The following MACROD2 variants were observed in gnomAD, a reference collection of about 807,000 sequenced individuals.
MACROD2 encodes mono-ADP ribosylhydrolase 2.
A neutral mutation model predicts 70.4 loss-of-function variants in MACROD2; 36 were observed. The observed-to-expected ratio is 0.51, with a 90% CI of 0.39 to 0.68. The LOEUF (loss-of-function observed/expected upper bound fraction) is 0.68, where lower values mean the gene tolerates loss of function less well. Ranked by LOEUF, MACROD2 falls within the 30% of genes least tolerant of loss-of-function variation. The pLI is 0.00. For missense variants in MACROD2, 496 were observed against 538.4 expected, an observed-to-expected ratio of 0.92 and a Z score of 0.78; for synonymous variants, 172 against 178.8, an observed-to-expected ratio of 0.96 and a Z score of 0.30.
At chr20:14,529,998 A>C (rs1177974150) in intron 4 of MACROD2, among the ~76,000 whole-genome samples, 1 of 152,204 alleles carries the variant, frequency 6.6e-6, no homozygotes, top group African/African-American at 2.4e-5. Flanking sequence ...GCGGAGGGGA[A>C]GTGATACAAG....
intron 4 of MACROD2, among the ~76,000 whole-genome samples, chr20:14,497,554 T>C (rs1318161010): frequency 6.6e-6 from 1 of 151,692 alleles, no homozygotes; most frequent in African/African-American, 2.4e-5. Flanking sequence ...TGTTTTTCAT[T>C]GACGTAATAG....
At chr20:14,262,114 T>A (rs964289222) in intron 3 of MACROD2, among the ~76,000 whole-genome samples, 4 of 152,116 alleles carry the variant, frequency 2.6e-5, no homozygotes, top group African/African-American at 9.7e-5. Flanking sequence ...TAAAACAATA[T>A]AATGTTCTAA....
chr20:14,438,988 T>G (rs2084090085), intron 3 of MACROD2, among the ~76,000 whole-genome samples: 1 of 152,312 alleles, frequency 6.6e-6, no homozygotes, highest in South Asian at 2.1e-4. Flanking sequence ...TCAGGGCTAA[T>G]GCCAAGGAGG....
At chr20:15,533,544 GCTCTCTCTCTCTCTCTCTCTCTCTCT>G (rs3071260) in intron 8 of MACROD2, among the ~76,000 whole-genome samples, 3 of 141,180 alleles carry the variant, frequency 2.1e-5, no homozygotes, top group African/African-American at 7.6e-5. Flanking sequence ...TGTCTCTGTC[GCTCTCTCTCTCTCTCTCTCTCTCTCT>G]CTCTCTCTCT....
At chr20:14,327,755 T>C (rs1020232990) in intron 3 of MACROD2, among the ~76,000 whole-genome samples, 5 of 152,166 alleles carry the variant, frequency 3.3e-5, no homozygotes, top group Non-Finnish European at 5.9e-5. Flanking sequence ...TAATGGTTTC[T>C]TAATTTCTTT....
chr20:15,813,235 A>G (rs925043993), intron 8 of MACROD2, among the ~76,000 whole-genome samples: 1 of 152,236 alleles, frequency 6.6e-6, no homozygotes, highest in Non-Finnish European at 1.5e-5. Flanking sequence ...TAAATTTTTT[A>G]TGTAACCATG....
At chr20:14,969,820 A>G (rs1236171967) in intron 5 of MACROD2, among the ~76,000 whole-genome samples, 2 of 152,166 alleles carry the variant, frequency 1.3e-5, no homozygotes, top group Non-Finnish European at 2.9e-5. Flanking sequence ...ATGAAATGAT[A>G]CTTTATTCAC....
chr20:15,211,193 A>G (rs1344552484), intron 5 of MACROD2, among the ~76,000 whole-genome samples: 1 of 152,198 alleles, frequency 6.6e-6, no homozygotes, highest in Non-Finnish European at 1.5e-5. Context: ...GGAATTATAT[A>G]CTATATTCTC....
intron 3 of MACROD2, among the ~76,000 whole-genome samples, chr20:14,458,004 G>A (rs1430703550): frequency 6.6e-6 from 1 of 151,942 alleles, no homozygotes; most frequent in Non-Finnish European, 1.5e-5. Flanking sequence ...GGGAGGCTGA[G>A]GCAGGAGAAT....
intron 7 of MACROD2, among the ~76,000 whole-genome samples, chr20:15,479,040 G>A (rs2047059413): frequency 6.6e-6 from 1 of 152,206 alleles, no homozygotes; most frequent in Non-Finnish European, 1.5e-5. Context: ...GAGCATATTG[G>A]TAAAGCACTA....
At chr20:14,843,756 A>G (rs908506590) in intron 5 of MACROD2, among the ~76,000 whole-genome samples, 1 of 152,132 alleles carries the variant, frequency 6.6e-6, no homozygotes, top group Non-Finnish European at 1.5e-5. Flanking sequence ...ATTTGGCCCA[A>G]ACTGGCTTCT....
intron 6 of MACROD2, among the ~76,000 whole-genome samples, chr20:15,358,174 A>T (rs1361824564): frequency 2.6e-5 from 4 of 152,202 alleles, no homozygotes; most frequent in Non-Finnish European, 5.9e-5. Flanking sequence ...ATGATTTTGG[A>T]CAAAGCAGAA....
At chr20:14,539,298 G>A (rs1042995970) in intron 4 of MACROD2, among the ~76,000 whole-genome samples, 2 of 152,132 alleles carry the variant, frequency 1.3e-5, no homozygotes, top group African/African-American at 4.8e-5. Flanking sequence ...ACATACACAA[G>A]TTGACACCTC....
intron 2 of MACROD2, among the ~76,000 whole-genome samples, chr20:14,073,207 A>C (rs1210979452): frequency 6.6e-6 from 1 of 151,860 alleles, no homozygotes. Flanking sequence ...ATGGTGGCGC[A>C]TGCCTGTAAT....
At chr20:15,389,051 G>C (rs142949051) in intron 6 of MACROD2, among the ~76,000 whole-genome samples, 1 of 152,124 alleles carries the variant, frequency 6.6e-6, no homozygotes, top group Non-Finnish European at 1.5e-5. Context: ...AAGTATCACT[G>C]GTGGTTTCAT....
intron 5 of MACROD2, among the ~76,000 whole-genome samples, chr20:14,983,039 C>T (rs2074815996): frequency 6.6e-6 from 1 of 152,186 alleles, no homozygotes; most frequent in African/African-American, 2.4e-5. Context: ...TGGGAACCCA[C>T]CTCTAGCATC....
At chr20:14,325,913 T>C (rs1179296313) in intron 3 of MACROD2, 1 of 1,613,942 alleles carries the variant, frequency 6.2e-7, no homozygotes, top group Non-Finnish European at 8.5e-7. Context: ...CCACCAATGA[T>C]GGCAGCCAAA....
At chr20:15,177,224 G>A (rs1409070365) in intron 5 of MACROD2, among the ~76,000 whole-genome samples, 1 of 152,210 alleles carries the variant, frequency 6.6e-6, no homozygotes, top group African/African-American at 2.4e-5. Context: ...ACAATACTCA[G>A]GCAGAAAGGT....
rs78353274 is a variant in MACROD2, at chr20:15,664,286, G to A, written c.645+164439G>A. On this transcript the variant is annotated intron_variant, in intron 8 of 17. Transcript: ENST00000684519. ...TATTTGGGAAGAATTGAACCACCAA[G>A]GGTTTAGATTAAATGATCAAAGACA... is the stretch of plus-strand genomic sequence containing the variant. Among the ~76,000 whole-genome samples the A allele has an allele frequency of 9.2e-3, 1,395 of 152,304 alleles. 10 individuals carry two copies. Among genetic ancestry groups the A allele is most frequent in the South Asian group, 0.017 (81 of 4,824 alleles).
Sources: allele counts gnomAD v4.1 joint callset (sites outside exome capture counted in the v4.1 genomes callset), GRCh38; gene constraint gnomAD v4.1.1; transcripts MANE v1.5; gene names NCBI Gene and HGNC (gene_info 2026-07-23, HGNC 2026-07-21).